The following YEATS2 variants were observed in gnomAD, a reference collection of about 807,000 sequenced individuals.
YEATS2 encodes YEATS domain containing 2, also known as YEATS domain-containing protein 2.
A neutral mutation model predicts 163.2 loss-of-function variants in YEATS2; 77 were observed. The observed-to-expected ratio is 0.47, with a 90% CI of 0.39 to 0.57. The LOEUF (loss-of-function observed/expected upper bound fraction) is 0.57. YEATS2 is among the 20% of genes least tolerant of loss of function. YEATS2 has a pLI of 0.00. For missense variants in YEATS2, 1,549 were observed against 1,729.8 expected (o/e 0.90, Z 1.85); for synonymous variants, 631 against 645.1 (o/e 0.98, Z 0.33).
intron 8 of YEATS2, among the ~76,000 whole-genome samples, chr3:183,745,925 G>A (rs1719489443): frequency 6.6e-6 from 1 of 152,124 alleles, no homozygotes; most frequent in Non-Finnish European, 1.5e-5. Context: ...TCAACTTCCT[G>A]GATTCAAGCA....
intron 2 of YEATS2, 96 bp downstream of exon 2, chr3:183,715,358 G>A: frequency 1.1e-6 from 1 of 920,136 alleles, no homozygotes; most frequent in Non-Finnish European, 1.7e-6. Flanking sequence ...CCACTGTTAT[G>A]TATAATTTGA....
At position 183,752,182 on chromosome 3, in the gene YEATS2, C is replaced by T; in HGVS notation, c.1079C>T (p.Pro360Leu). The T allele has an allele frequency of 1.9e-6, 3 of 1,614,120 alleles. No individual in the cohort carries two copies. The highest frequency in any genetic ancestry group is 2.5e-6 in the Non-Finnish European group (3 of 1,180,026). ...CCTCCATCTTTGCCTTTGACCATTC[C>T]AGCCCCAGTGAAAGCTTCTTCACCA... ...DAPPSLPLTI[P>L]APVKASSPIK... is the part of the protein sequence containing the mutation. Residue 360 changes from proline to leucine, a missense_variant, in exon 10 of 31, where the codon CCA (proline) becomes CTA (leucine). Transcript: ENST00000305135.
chr3:183,730,052 G>GTTTGTTTGTTTTTTTTTTTTTTTTTTTTT (rs1560244258), intron 7 of YEATS2, among the ~76,000 whole-genome samples: 1 of 41,698 alleles, frequency 2.4e-5, no homozygotes, highest in African/African-American at 8.2e-5. Context: ...TTTTTTGTTT[G>GTTTGTTTGTTTTTTTTTTTTTTTTTTTTT]TTTTTTTTTT....
chr3:183,766,895 G>A (rs1269022454), intron 15 of YEATS2, among the ~76,000 whole-genome samples: 1 of 151,360 alleles, frequency 6.6e-6, no homozygotes, highest in Non-Finnish European at 1.5e-5. Flanking sequence ...GGCTGGTCTT[G>A]AACTCCTGGG....
At chr3:183,808,253 G>GT (rs952935485) in intron 29 of YEATS2, 149 bp downstream of exon 29, 57 of 638,302 alleles carry the variant, frequency 8.9e-5, no homozygotes, top group East Asian at 1.2e-4. Flanking sequence ...TTGTTTTTTT[G>GT]TTTTTTTTCC....
chr3:183,797,479 A>G (rs917384170), intron 21 of YEATS2, among the ~76,000 whole-genome samples: 13 of 152,064 alleles, frequency 8.5e-5, no homozygotes, highest in African/African-American at 3.1e-4. Context: ...CAGGAGTTCA[A>G]GGTTACAATG....
chr3:183,756,021 C>T (rs1418293114), intron 11 of YEATS2, among the ~76,000 whole-genome samples: 1 of 152,148 alleles, frequency 6.6e-6, no homozygotes, highest in African/African-American at 2.4e-5. Context: ...GCTGGGATTA[C>T]AGGCACGAGC....
intron 1 of YEATS2, among the ~76,000 whole-genome samples, chr3:183,712,196 T>C (rs1455273094): frequency 2.1e-5 from 3 of 143,930 alleles, no homozygotes; most frequent in Non-Finnish European, 4.5e-5. Flanking sequence ...TCTTTTATTT[T>C]ATTTTATTTT....
At chr3:183,802,978 C>T (rs1490472038) in intron 25 of YEATS2, 1 of 364,470 alleles carries the variant, frequency 2.7e-6, no homozygotes, top group East Asian at 4.9e-5. Flanking sequence ...CCTAGTGGAG[C>T]ACCAGTTCCA....
intron 22 of YEATS2, among the ~76,000 whole-genome samples, 197 bp downstream of exon 22, chr3:183,798,248 A>C (rs1347272913): frequency 6.6e-6 from 1 of 151,258 alleles, no homozygotes; most frequent in Non-Finnish European, 1.5e-5. Flanking sequence ...CCAGGACTCA[A>C]AACCCAAATG....
chr3:183,803,008 G>A, intron 25 of YEATS2: 1 of 522,582 alleles, frequency 1.9e-6, no homozygotes, highest in South Asian at 2.3e-5. Context: ...ATAGTCTATG[G>A]CAGTGATTAC....
At chr3:183,716,255 G>A (rs1715869651) in intron 2 of YEATS2, among the ~76,000 whole-genome samples, 1 of 152,052 alleles carries the variant, frequency 6.6e-6, no homozygotes, top group African/African-American at 2.4e-5. Flanking sequence ...CACCGCGCCC[G>A]GCAACACTAA....
At chr3:183,743,050 A>G (rs1719143272) in intron 8 of YEATS2, among the ~76,000 whole-genome samples, 1 of 152,262 alleles carries the variant, frequency 6.6e-6, no homozygotes, top group Non-Finnish European at 1.5e-5. Flanking sequence ...ACAGCATAGT[A>G]TAAACATAAT....
intron 21 of YEATS2, chr3:183,793,416 CTG>C (rs1318155097): frequency 2.9e-6 from 3 of 1,020,180 alleles, no homozygotes; most frequent in African/African-American, 3.4e-5. Flanking sequence ...TCTCTACTAA[CTG>C]TTTTATTTGA....
intron 11 of YEATS2, among the ~76,000 whole-genome samples, chr3:183,756,140 A>G (rs1346772811): frequency 6.6e-6 from 1 of 152,218 alleles, no homozygotes; most frequent in African/African-American, 2.4e-5. Flanking sequence ...ATCAAGATTC[A>G]GCAGTTACAA....
intron 26 of YEATS2, 68 bp downstream of exon 26, chr3:183,803,403 T>C: frequency 1.4e-6 from 2 of 1,386,558 alleles, no homozygotes; most frequent in Non-Finnish European, 1.0e-6. Context: ...AGGGATAAGA[T>C]TGCAGCATAT....
Position 183,747,727 on chromosome 3 carries a change from T to C in YEATS2, c.969+11T>C. 1 of 1,611,164 alleles carries C rather than the reference T, an allele frequency of 6.2e-7. No homozygotes were observed. Reference sequence around the variant, plus strand: ...CTTGGAGCAGAGACGGTAGGTTTTTTTCCTACAGTATTATCTGGGAATGAG... The same window carrying C: ...CTTGGAGCAGAGACGGTAGGTTTTTCTCCTACAGTATTATCTGGGAATGAG... On this transcript the variant is annotated intron_variant, in intron 9 of 30. Coordinates refer to ENST00000305135, the MANE Select transcript of YEATS2 (RefSeq NM_018023.5).
intron 17 of YEATS2, 111 bp from the exon 18 acceptor site, chr3:183,775,801 AAAG>A (rs1722931070): frequency 1.3e-6 from 2 of 1,505,424 alleles, no homozygotes; most frequent in Admixed American, 1.7e-5. Context: ...GGAAAATGGG[AAAG>A]AAGAAGGAAT....
At chr3:183,716,453 A>G (rs1410748502) in intron 2 of YEATS2, among the ~76,000 whole-genome samples, 2 of 152,194 alleles carry the variant, frequency 1.3e-5, no homozygotes, top group African/African-American at 2.4e-5. Flanking sequence ...GTGAAGTCCT[A>G]CGTATCCCCA....
Sources: gnomAD v4.1 joint callset for allele counts (sites outside exome capture counted in the v4.1 genomes callset) on GRCh38, gnomAD v4.1.1 for gene constraint, MANE v1.5 for transcripts, NCBI Gene and HGNC (gene_info 2026-07-23, HGNC 2026-07-21) for gene names.